IPO11: variants seen among roughly 807,000 people sequenced by gnomAD.
The protein encoded by IPO11 is importin-11.
A neutral mutation model predicts 143.2 loss-of-function variants in IPO11; 66 were observed. The ratio of observed to expected loss-of-function variants is 0.46; its 90% CI spans 0.38 to 0.57. The LOEUF (loss-of-function observed/expected upper bound fraction) is 0.57. Ranked by LOEUF, IPO11 falls within the 20% of genes least tolerant of loss-of-function variation. The pLI is 0.00. For missense variants in IPO11, 1,026 were observed against 1,141.0 expected, an observed-to-expected ratio of 0.90 and a Z score of 1.45; for synonymous variants, 385 against 377.8, an observed-to-expected ratio of 1.02 and a Z score of -0.22.
Position 62,599,718 on chromosome 5 carries a change from T to G in IPO11, c.2679-2046T>G, listed in dbSNP as rs1745429761. On this transcript the variant is annotated intron_variant, in intron 28 of 29. Transcript: ENST00000325324. ...TAGAATGGAGGAGTGGCCACTTATA[T>G]TCACGTTAGTCATTCCTATTTTAAA... 2.0e-5 allele frequency among the ~76,000 whole-genome samples: 3 copies of G among 152,238 alleles called. No homozygotes were observed. In the South Asian group the frequency reaches 6.2e-4, roughly 32 times the overall value.
At position 62,467,158 on chromosome 5, in the gene IPO11, T is replaced by G; in HGVS notation, c.544T>G (p.Cys182Gly). The change falls in exon 6 of 30, where the codon TGC (cysteine) becomes GGC (glycine). Residue 182 changes from cysteine (C) to glycine (G), a missense_variant. Physicochemically the swap from Cys to Gly is radical, Grantham distance 159. Coordinates refer to ENST00000325324, the MANE Select transcript of IPO11 (RefSeq NM_016338.5). Reference protein sequence around the residue: ...DLASGIYNFACSLWNHHTDTF... With the variant: ...DLASGIYNFAGSLWNHHTDTF... ...AGCTTCTGGAATTTATAATTTTGCC[T>G]GCTCTCTGTGGAATCACCACACAGA... is the stretch of plus-strand genomic sequence containing the variant. 6.2e-7 allele frequency: 1 copy of G among 1,609,512 alleles called. No homozygotes were observed. The highest frequency in any genetic ancestry group is 8.5e-7 in the Non-Finnish European group (1 of 1,178,994).
At chr5:62,616,057 A>T (rs148283045) in intron 29 of IPO11, among the ~76,000 whole-genome samples, 1 of 3,892 alleles carries the variant, frequency 2.6e-4, no homozygotes, top group Non-Finnish European at 4.9e-4. Context: ...GTGGAGGGGG[A>T]GGTGGGGGAG....
At chr5:62,617,460 T>C (rs973995111) in intron 29 of IPO11, among the ~76,000 whole-genome samples, 6 of 152,232 alleles carry the variant, frequency 3.9e-5, no homozygotes, top group African/African-American at 1.4e-4. Flanking sequence ...TTAAAGGCAG[T>C]GCTGGATAGT....
chr5:62,551,459 T>G, intron 26 of IPO11, 123 bp downstream of exon 26: 1 of 538,034 alleles, frequency 1.9e-6, no homozygotes, highest in Non-Finnish European at 3.3e-6. Context: ...ACATTTTAAA[T>G]CTTTATTTAT....
intron 27 of IPO11, among the ~76,000 whole-genome samples, chr5:62,587,581 T>C (rs1744843472): frequency 6.6e-6 from 1 of 152,182 alleles, no homozygotes; most frequent in Non-Finnish European, 1.5e-5. Flanking sequence ...AATATTGAGT[T>C]ATAATACATT....
chr5:62,616,337 C>T (rs1051842232), intron 29 of IPO11, among the ~76,000 whole-genome samples: 2 of 152,164 alleles, frequency 1.3e-5, no homozygotes, highest in African/African-American at 4.8e-5. Context: ...AATCTCAAAT[C>T]TTTTCTTGCC....
intron 19 of IPO11, among the ~76,000 whole-genome samples, chr5:62,512,931 CAGA>C (rs1741814831): frequency 7.0e-6 from 1 of 143,078 alleles, no homozygotes; most frequent in African/African-American, 2.6e-5. Flanking sequence ...GATCCCAAGG[CAGA>C]AGAATTTTTC....
chr5:62,621,892 C>G (rs967731975), intron 29 of IPO11, among the ~76,000 whole-genome samples: 1 of 151,820 alleles, frequency 6.6e-6, no homozygotes, highest in African/African-American at 2.4e-5. Flanking sequence ...AAAAAAAAGT[C>G]ATCAACATTT....
At chr5:62,616,171 A>G (rs1367702845) in intron 29 of IPO11, among the ~76,000 whole-genome samples, 1 of 152,190 alleles carries the variant, frequency 6.6e-6, no homozygotes, top group Non-Finnish European at 1.5e-5. Flanking sequence ...CTAACTGGCT[A>G]TGTGGACATA....
Position 62,515,370 on chromosome 5 carries a change from C to T in IPO11, c.1783-18C>T, listed in dbSNP as rs1256114862. On this transcript the variant is annotated intron_variant, in intron 19 of 29. Coordinates refer to ENST00000325324, the MANE Select transcript of IPO11 (RefSeq NM_016338.5). ...TACCAATAAAATTTTGTTGTTTCCTCTACTTATATTGTAATAGATACGACC... is the reference window on the plus strand; with the variant it reads ...TACCAATAAAATTTTGTTGTTTCCTTTACTTATATTGTAATAGATACGACC... The T allele has an allele frequency of 6.4e-7, 1 of 1,553,390 alleles. No individual in the cohort carries two copies. The highest frequency in any genetic ancestry group is 2.3e-5 in the East Asian group (1 of 43,950).
At chr5:62,548,220 T>A (rs1743273576) in intron 24 of IPO11, among the ~76,000 whole-genome samples, 1 of 152,208 alleles carries the variant, frequency 6.6e-6, no homozygotes, top group Non-Finnish European at 1.5e-5. Context: ...TCTTTTGTAT[T>A]CTCTGGAAGT....
intron 27 of IPO11, chr5:62,581,176 G>GT (rs1163158819): frequency 1.3e-6 from 2 of 1,551,168 alleles, no homozygotes; most frequent in Non-Finnish European, 1.7e-6. Context: ...AAGGTATAAT[G>GT]TAACTGCCTC....
intron 1 of IPO11, chr5:62,419,138 G>T (rs1301095833): frequency 6.5e-7 from 1 of 1,547,500 alleles, no homozygotes; most frequent in South Asian, 1.2e-5. Flanking sequence ...GTAAGTATTT[G>T]TGTGTTTAAA....
In IPO11 at chr5:62,498,555, C is replaced by A. The variant is rs548892035; in HGVS notation, c.1590+4431C>A. ...TTCTTTAGGCTGTAGGGTTTCTGAA[C>A]TAATTATATCTTTAAGTTTCAGAAA... On this transcript the variant is annotated intron_variant, in intron 16 of 29. Coordinates refer to ENST00000325324, the MANE Select transcript of IPO11 (RefSeq NM_016338.5). 2.4e-4 allele frequency among the ~76,000 whole-genome samples: 37 copies of A among 152,272 alleles called. 1 individual carries two copies. Among genetic ancestry groups the A allele is most frequent in the African/African-American group, 7.0e-4 (29 of 41,544 alleles).
intron 28 of IPO11, among the ~76,000 whole-genome samples, chr5:62,598,951 G>A (rs2112444399): frequency 6.6e-6 from 1 of 152,232 alleles, no homozygotes; most frequent in South Asian, 2.1e-4. Context: ...AATATAAGTA[G>A]GAAGCGTTTT....
chr5:62,420,404 T>C lies in IPO11; in HGVS notation c.-7+7475T>C, dbSNP rs187037023. ...TACCTAATTGTATGTGCTCTGCTTT[T>C]ATACAAATGGCAGTGCAGTAGGTTA... On this transcript the variant is annotated intron_variant, in intron 1 of 29. Transcript: ENST00000325324. Among the ~76,000 whole-genome samples, 49 of 152,336 alleles carry C rather than the reference T, an allele frequency of 3.2e-4. No homozygotes were observed. In the East Asian group the frequency reaches 9.2e-3, roughly 29 times the overall value.
chr5:62,541,805 C>T (rs927520917), intron 24 of IPO11, among the ~76,000 whole-genome samples: 9 of 151,956 alleles, frequency 5.9e-5, no homozygotes, highest in Admixed American at 5.2e-4. Flanking sequence ...TATCAAAAAT[C>T]TATAGTCAAA....
intron 16 of IPO11, among the ~76,000 whole-genome samples, chr5:62,502,971 C>T (rs1009015120): frequency 4.6e-5 from 7 of 152,006 alleles, no homozygotes; most frequent in African/African-American, 1.7e-4. Context: ...TATAGGTGCA[C>T]GCCACTATGC....
chr5:62,440,345 TC>T (rs1444102230), intron 2 of IPO11, among the ~76,000 whole-genome samples: 1 of 148,106 alleles, frequency 6.8e-6, no homozygotes, highest in African/African-American at 2.5e-5. Flanking sequence ...ATAGTGTACG[TC>T]CCCTTTTTTT....
Sources: allele counts gnomAD v4.1 joint callset (sites outside exome capture counted in the v4.1 genomes callset), GRCh38; gene constraint gnomAD v4.1.1; transcripts MANE v1.5; gene names NCBI Gene and HGNC (gene_info 2026-07-23, HGNC 2026-07-21).